The following SPATA6L variants were observed in gnomAD, a reference collection of about 807,000 sequenced individuals.
The protein encoded by SPATA6L is spermatogenesis associated 6 like, also known as spermatogenesis associated 6-like protein.
In SPATA6L, 68 loss-of-function variants were observed where a neutral mutation model predicts 49.2. The ratio of observed to expected loss-of-function variants is 1.38; its 90% CI spans 1.14 to 1.69. The LOEUF (loss-of-function observed/expected upper bound fraction) is 1.69, where lower values mean the gene tolerates loss of function less well. Ranked by LOEUF, SPATA6L falls within the 40% of genes most tolerant of loss-of-function variation. The probability of loss-of-function intolerance (pLI) is 0.00; values close to 1 mark genes in which losing one functional copy is unlikely to be tolerated. For missense variants in SPATA6L, 668 were observed against 464.3 expected (o/e 1.44, Z -4.03); for synonymous variants, 198 against 165.7 (o/e 1.19, Z -1.50).
intron 8 of SPATA6L, 41 bp downstream of exon 8, chr9:4,618,823 C>T: frequency 5.7e-6 from 9 of 1,567,312 alleles, no homozygotes; most frequent in Non-Finnish European, 7.9e-6. Flanking sequence ...CATAAGATAT[C>T]TGGAAGTAAA....
intron 13 of SPATA6L, among the ~76,000 whole-genome samples, chr9:4,590,443 G>A (rs752552585): frequency 3.9e-5 from 6 of 152,194 alleles, no homozygotes; most frequent in Non-Finnish European, 5.9e-5. Flanking sequence ...TTTGGAAGGT[G>A]TCTCTCCAGA....
downstream of SPATA6L, among the ~76,000 whole-genome samples, chr9:4,597,329 C>T (rs1276286756): frequency 4.5e-5 from 1 of 22,102 alleles, no homozygotes; most frequent in Non-Finnish European, 1.9e-4. Context: ...TACACACACA[C>T]ACACACACAC....
downstream of SPATA6L, among the ~76,000 whole-genome samples, chr9:4,597,695 C>T (rs1157527391): frequency 6.6e-6 from 1 of 152,184 alleles, no homozygotes; most frequent in Non-Finnish European, 1.5e-5. Context: ...GGGCTCTCAT[C>T]ACTGTTGGCA....
chr9:4,656,579 G>A (rs1838279242), intron 2 of SPATA6L, among the ~76,000 whole-genome samples: 1 of 152,136 alleles, frequency 6.6e-6, no homozygotes, highest in Non-Finnish European at 1.5e-5. Flanking sequence ...TTAGAATTCA[G>A]CAGATGCACC....
rs1443567745 is a variant in SPATA6L, at chr9:4,606,402, G to C, written c.996-962C>G. Among the ~76,000 whole-genome samples the C allele has an allele frequency of 1.1e-3, 114 of 102,794 alleles. 1 individual carries two copies. Among genetic ancestry groups the C allele is most frequent in the Non-Finnish European group, 1.9e-3 (98 of 51,346 alleles). The allele number at this position is 102,794 out of a possible 152,430, so 67.4% of individuals were successfully genotyped here. A position where few individuals can be genotyped will look rare whatever the true frequency, so the allele number is the denominator to read the frequency against. ...TCTGCAGACTTAAATGTCCCTGTCT[G>C]ACAGCTTTGAAGAGAGCAGTGGTTC... On this transcript the variant is annotated intron_variant, in intron 9 of 11. Transcript: ENST00000682582.
intron 9 of SPATA6L, among the ~76,000 whole-genome samples, chr9:4,611,492 T>C (rs1296138300): frequency 2.0e-5 from 3 of 149,276 alleles, no homozygotes; most frequent in African/African-American, 5.2e-5. Context: ...GTTCATGTCC[T>C]TTGTAGGGAC....
chr9:4,647,932 T>C (rs1333600063), intron 3 of SPATA6L, among the ~76,000 whole-genome samples: 2 of 151,940 alleles, frequency 1.3e-5, no homozygotes, highest in Non-Finnish European at 2.9e-5. Context: ...CCTTGCAGGT[T>C]CAAGCGATTC....
chr9:4,591,197 A>C (rs996244410), intron 13 of SPATA6L, among the ~76,000 whole-genome samples: 2 of 152,186 alleles, frequency 1.3e-5, no homozygotes, highest in African/African-American at 4.8e-5. Flanking sequence ...CCAGTGTATG[A>C]GCATGCCTTC....
chr9:4,596,139 T>C (rs1822236499), downstream of SPATA6L, among the ~76,000 whole-genome samples: 1 of 152,186 alleles, frequency 6.6e-6, no homozygotes, highest in Non-Finnish European at 1.5e-5. Flanking sequence ...GTTTAAGGTC[T>C]CATTGCCCCA....
intron 9 of SPATA6L, among the ~76,000 whole-genome samples, chr9:4,606,780 C>A (rs983117420): frequency 4.1e-5 from 6 of 148,052 alleles, no homozygotes; most frequent in South Asian, 2.2e-4. Flanking sequence ...AGCAATGGAA[C>A]AAAGCTGGAC....
rs964372202 is a variant in SPATA6L, at chr9:4,606,094, C to T, written c.996-654G>A. 2.0e-5 allele frequency among the ~76,000 whole-genome samples: 3 copies of T among 152,132 alleles called. No homozygotes were observed. The South Asian group carries it at 6.2e-4, about 32-fold the overall frequency. Reference sequence around the variant, plus strand: ...GGGTCACTCCCACCCAAATACTGCGCTTTTCCTACGGGCTTAAAAAATGGC... The same window carrying T: ...GGGTCACTCCCACCCAAATACTGCGTTTTTCCTACGGGCTTAAAAAATGGC... On this transcript the variant is annotated intron_variant, in intron 9 of 11. Transcript: ENST00000682582.
chr9:4,604,005 G>A (rs1824050598), intron 11 of SPATA6L, among the ~76,000 whole-genome samples, 174 bp downstream of exon 11: 1 of 152,180 alleles, frequency 6.6e-6, no homozygotes, highest in Non-Finnish European at 1.5e-5. Flanking sequence ...TGGAAGGCAC[G>A]TGCACTGCAG....
intron 3 of SPATA6L, among the ~76,000 whole-genome samples, chr9:4,644,819 A>C (rs1834982803): frequency 6.6e-6 from 1 of 152,104 alleles, no homozygotes; most frequent in Non-Finnish European, 1.5e-5. Context: ...AACCTCTCTC[A>C]CCAGCTCAGG....
chr9:4,647,731 C>A (rs2130693106), intron 3 of SPATA6L, among the ~76,000 whole-genome samples: 1 of 151,948 alleles, frequency 6.6e-6, no homozygotes, highest in Middle Eastern at 3.4e-3. Context: ...AAATTCAGAT[C>A]TTTAAGATAA....
rs746680804 is a variant in SPATA6L at position 4,629,073 on chromosome 9, G to C, written c.429+18C>G. The C allele has an allele frequency of 5.2e-6, 8 of 1,546,766 alleles. No individual in the cohort carries two copies. In the Admixed American group the frequency reaches 1.5e-4, roughly 28 times the overall value. ...AAAAATCCGGTCATTTCTATCACTA[G>C]ATTTGTATTGTACTTACAAGAAATC... On this transcript the variant is annotated intron_variant, in intron 5 of 11. Coordinates refer to ENST00000682582, the MANE Select transcript of SPATA6L (RefSeq NM_001353486.2).
chr9:4,614,721 C>A (rs895343183), intron 9 of SPATA6L, among the ~76,000 whole-genome samples: 1 of 152,170 alleles, frequency 6.6e-6, no homozygotes. Flanking sequence ...CAGCCATGGG[C>A]AAACTGGATG....
Position 4,662,978 on chromosome 9 carries a change from CA to C in SPATA6L, c.40-943del. 1 of 1,612,990 alleles carries C rather than the reference CA, an allele frequency of 6.2e-7. No individual in the cohort carries two copies. The highest frequency in any genetic ancestry group is 2.2e-5 in the East Asian group (1 of 44,842). On this transcript the variant is annotated intron_variant, in intron 1 of 11. Transcript: ENST00000682582. The surrounding 1 kb of genome is among the most constrained non-coding windows in gnomAD (Gnocchi z 4.9). ...CCCACAACCAGATGGACATGTTTGT[CA>C]CTCTCTCGGTGGACAAGTACTCCTT...
At chr9:4,594,883 A>C (rs1351711200), downstream of SPATA6L, among the ~76,000 whole-genome samples, 2 of 152,214 alleles carry the variant, frequency 1.3e-5, no homozygotes, top group Non-Finnish European at 2.9e-5. Context: ...TTAAAAAAAT[A>C]CTAAACAAAA....
chr9:4,662,199 C>T lies in SPATA6L; in HGVS notation c.40-163G>A. 2.1e-6 allele frequency: 3 copies of T among 1,439,320 alleles called. No homozygotes were observed. Among genetic ancestry groups the T allele is most frequent in the South Asian group, 1.5e-5 (1 of 67,798 alleles). 89.2% of individuals were successfully genotyped at this position (1,439,320 alleles called of 1,614,324 possible). On this transcript the variant is annotated intron_variant, in intron 1 of 11. Transcript: ENST00000682582. This position sits in a 1 kb window ranked among gnomAD's most constrained non-coding sequence, Gnocchi z 4.9. ...CAACGCCAACATCCTCCCCTCTGCT[C>T]TCCTCACATTGGAAATTCCAACTCC...
Sources: gnomAD v4.1 joint callset for allele counts (sites outside exome capture counted in the v4.1 genomes callset) on GRCh38, gnomAD v4.1.1 for gene constraint, Gnocchi (gnomAD v3.1) non-coding constraint, MANE v1.5 for transcripts, NCBI Gene and HGNC (gene_info 2026-07-23, HGNC 2026-07-21) for gene names.